Variants in NEK10 observed in about 807,000 individuals in gnomAD.
NEK10 encodes the protein serine/threonine-protein kinase Nek10.
A neutral mutation model predicts 159.8 loss-of-function variants in NEK10; 122 were observed. The ratio of observed to expected loss-of-function variants is 0.76; its 90% CI spans 0.66 to 0.89. NEK10 has a LOEUF of 0.89. Ranked by LOEUF, NEK10 falls within the 40% of genes least tolerant of loss-of-function variation. NEK10 has a pLI of 0.00. For missense variants in NEK10, 1,342 were observed against 1,323.1 expected, an observed-to-expected ratio of 1.01 and a Z score of -0.22; for synonymous variants, 466 against 457.1, an observed-to-expected ratio of 1.02 and a Z score of -0.25.
chr3:27,298,962 A>G (rs900852939), intron 13 of NEK10, among the ~76,000 whole-genome samples: 3 of 152,236 alleles, frequency 2.0e-5, no homozygotes, highest in Non-Finnish European at 4.4e-5. Flanking sequence ...AACACAGCAT[A>G]AAAGTTTGGA....
chr3:27,226,796 AACCACTTCTATC>A (rs2149185222), intron 23 of NEK10, among the ~76,000 whole-genome samples: 1 of 152,362 alleles, frequency 6.6e-6, no homozygotes, highest in South Asian at 2.1e-4. Context: ...GAGGAAAACA[AACCACTTCTATC>A]AACTATATCC....
intron 22 of NEK10, among the ~76,000 whole-genome samples, chr3:27,273,056 T>C (rs1238819674): frequency 6.6e-6 from 1 of 152,108 alleles, no homozygotes; most frequent in Non-Finnish European, 1.5e-5. Context: ...AAGGCAGACA[T>C]TATCTAGGTA....
intron 30 of NEK10, among the ~76,000 whole-genome samples, chr3:27,158,614 A>G (rs569145005): frequency 6.6e-6 from 1 of 152,348 alleles, no homozygotes; most frequent in Admixed American, 6.5e-5. Context: ...TTTCTATTCA[A>G]AATGCAGTGC....
rs771255968 is a variant in NEK10, at chr3:27,115,993, A to C, written c.3246T>G (p.Thr1082=). 9 of 1,612,876 alleles carry C rather than the reference A, an allele frequency of 5.6e-6. No individual in the cohort carries two copies. The highest frequency in any genetic ancestry group is 1.7e-4 in the Middle Eastern group (1 of 6,058). ...TTTCCTCAAGGACTTCTTCAATCAC[A>C]GTCTAAAATTTTAAAAATCAGGTTA... ...EEGITYEQMQ[T]VIEEVLEESG... is the part of the protein sequence containing the mutation. The change falls in exon 35 of 36, where the codon ACT becomes ACG. Residue 1082 remains threonine, a splice_region_variant and synonymous_variant. Coordinates refer to ENST00000691995, the MANE Select transcript of NEK10 (RefSeq NM_001394966.1).
chr3:27,311,121 A>T, intron 8 of NEK10, 105 bp from the exon 9 acceptor site: 1 of 687,264 alleles, frequency 1.5e-6, no homozygotes. Context: ...GAAAGGTCAA[A>T]GGGAACACAG....
At chr3:27,298,587 G>A (rs1258015201) in intron 13 of NEK10, among the ~76,000 whole-genome samples, 1 of 152,186 alleles carries the variant, frequency 6.6e-6, no homozygotes, top group Non-Finnish European at 1.5e-5. Flanking sequence ...TTTGGAACTG[G>A]GTAACAAGCA....
intron 1 of NEK10, among the ~76,000 whole-genome samples, chr3:27,359,275 A>G (rs1211060269): frequency 2.0e-5 from 3 of 152,166 alleles, no homozygotes. Context: ...ATTAAAGTTA[A>G]TTACCATTTT....
chr3:27,344,978 C>T (rs572259210), intron 4 of NEK10, among the ~76,000 whole-genome samples: 1 of 152,260 alleles, frequency 6.6e-6, no homozygotes, highest in South Asian at 2.1e-4. Flanking sequence ...TTTTGCTGAT[C>T]TTACAGCCCA....
chr3:27,348,725 A>T lies in NEK10; in HGVS notation c.133-2509T>A, dbSNP rs191101311. ...CATGCTTACCTCTCTTTCAAAACTTATCTCAGGCTAGTATAATGTATAGCT... is the reference window on the plus strand; with the variant it reads ...CATGCTTACCTCTCTTTCAAAACTTTTCTCAGGCTAGTATAATGTATAGCT... On this transcript the variant is annotated intron_variant, in intron 3 of 35. Coordinates refer to ENST00000691995, the MANE Select transcript of NEK10 (RefSeq NM_001394966.1). 1.9e-3 allele frequency among the ~76,000 whole-genome samples: 282 copies of T among 152,136 alleles called. 1 individual carries two copies. Among genetic ancestry groups the T allele is most frequent in the African/African-American group, 6.6e-3 (275 of 41,510 alleles).
intron 30 of NEK10, among the ~76,000 whole-genome samples, chr3:27,154,830 T>C (rs1259850069): frequency 4.6e-5 from 7 of 152,216 alleles, no homozygotes; most frequent in Non-Finnish European, 8.8e-5. Flanking sequence ...GATAAACCCA[T>C]AGAAAACATA....
At chr3:27,178,045 G>A (rs1179600666) in intron 26 of NEK10, among the ~76,000 whole-genome samples, 1 of 152,066 alleles carries the variant, frequency 6.6e-6, no homozygotes. Context: ...TATCAATACG[G>A]CGGCAAGGAG....
At chr3:27,313,080 C>T (rs534435614) in intron 7 of NEK10, among the ~76,000 whole-genome samples, 1 of 151,296 alleles carries the variant, frequency 6.6e-6, no homozygotes, top group Admixed American at 6.6e-5. Flanking sequence ...CATGGTGTAA[C>T]CCTGTCTCTA....
chr3:27,316,420 G>A (rs892900401), intron 6 of NEK10, among the ~76,000 whole-genome samples: 2 of 152,142 alleles, frequency 1.3e-5, no homozygotes, highest in African/African-American at 4.8e-5. Context: ...AACTAACACA[G>A]GGGGAGAGAA....
At chr3:27,324,641 C>T (rs1559502970) in intron 5 of NEK10, among the ~76,000 whole-genome samples, 1 of 152,138 alleles carries the variant, frequency 6.6e-6, no homozygotes, top group South Asian at 2.1e-4. Flanking sequence ...TTGCTTGAGC[C>T]ATTGCAAAAG....
intron 31 of NEK10, 57 bp from the exon 32 acceptor site, chr3:27,132,047 C>A: frequency 1.0e-6 from 1 of 955,878 alleles, no homozygotes; most frequent in South Asian, 1.5e-5. Flanking sequence ...ACACAGCTGA[C>A]TACAAAAAGC....
intron 23 of NEK10, among the ~76,000 whole-genome samples, chr3:27,203,685 A>C (rs1196803048): frequency 1.3e-5 from 2 of 152,194 alleles, no homozygotes. Context: ...TAGCTTTGAC[A>C]ATGGCTAAGG....
chr3:27,282,683 TATATATATACATAACTGTG>T (rs2042289413), intron 22 of NEK10, among the ~76,000 whole-genome samples: 2 of 139,070 alleles, frequency 1.4e-5, no homozygotes, highest in African/African-American at 5.5e-5. Flanking sequence ...ATAACTGTGT[TATATATATACATAACTGTG>T]TTATATATAT....
At chr3:27,192,616 C>T (rs1334788753) in intron 25 of NEK10, among the ~76,000 whole-genome samples, 1 of 150,498 alleles carries the variant, frequency 6.6e-6, no homozygotes, top group Non-Finnish European at 1.5e-5. Context: ...AAAAAAAAGC[C>T]CAGTGTCTAA....
chr3:27,270,116 T>G (rs988455063), intron 22 of NEK10, among the ~76,000 whole-genome samples: 1 of 152,164 alleles, frequency 6.6e-6, no homozygotes, highest in Non-Finnish European at 1.5e-5. Context: ...GCAGAACGGA[T>G]GAGATGTTAC....
Sources: gnomAD v4.1 joint callset for allele counts (sites outside exome capture counted in the v4.1 genomes callset) on GRCh38, gnomAD v4.1.1 for gene constraint, MANE v1.5 for transcripts, NCBI Gene and HGNC (gene_info 2026-07-23, HGNC 2026-07-21) for gene names.